NCR2: variants seen among roughly 807,000 people sequenced by gnomAD.
The protein encoded by NCR2 is natural cytotoxicity triggering receptor 2.
NCR2 carries 35 observed loss-of-function variants against 30.7 expected under a neutral mutation model. The observed-to-expected ratio is 1.14, with a 90% CI of 0.87 to 1.51. The LOEUF is 1.51. Ranked by LOEUF, NCR2 falls within the 40% of genes most tolerant of loss-of-function variation. NCR2 has a pLI of 0.00. For missense variants in NCR2, 316 were observed against 328.9 expected, an observed-to-expected ratio of 0.96 and a Z score of 0.30; for synonymous variants, 146 against 134.8, an observed-to-expected ratio of 1.08 and a Z score of -0.58.
At chr6:41,349,455 A>G (rs970932858) in intron 4 of NCR2, among the ~76,000 whole-genome samples, 2 of 152,114 alleles carry the variant, frequency 1.3e-5, no homozygotes, top group African/African-American at 4.8e-5. Flanking sequence ...GTGCTCTTGG[A>G]TGGGGGCTGG....
At chr6:41,349,109 A>AT (rs940179649) in intron 4 of NCR2, among the ~76,000 whole-genome samples, 1 of 146,052 alleles carries the variant, frequency 6.8e-6, no homozygotes, top group Non-Finnish European at 1.5e-5. Context: ...TTATATTTTT[A>AT]TTTTTTATAT....
chr6:41,348,599 G>A (rs752307666), intron 4 of NCR2, among the ~76,000 whole-genome samples: 9 of 152,042 alleles, frequency 5.9e-5, no homozygotes, highest in Admixed American at 3.3e-4. Flanking sequence ...CTCTGTGCTC[G>A]AGTATGTCTT....
At chr6:41,337,832 T>G (rs905241222) in intron 2 of NCR2, among the ~76,000 whole-genome samples, 1 of 152,218 alleles carries the variant, frequency 6.6e-6, no homozygotes, top group African/African-American at 2.4e-5. Context: ...ATCCTAAAAC[T>G]TATAGTTTAA....
intron 4 of NCR2, among the ~76,000 whole-genome samples, chr6:41,349,341 C>T (rs904428813): frequency 6.6e-6 from 1 of 152,072 alleles, no homozygotes; most frequent in Admixed American, 6.5e-5. Context: ...CACAGAGCTC[C>T]TAAGACCTTT....
intron 2 of NCR2, among the ~76,000 whole-genome samples, chr6:41,341,022 C>A (rs1769154521): frequency 6.6e-6 from 1 of 152,108 alleles, no homozygotes; most frequent in African/African-American, 2.4e-5. Flanking sequence ...CTCCTGGACT[C>A]CAGTTAGGTA....
rs539994217 is a variant in NCR2, at chr6:41,342,416, T to C, written c.644+267T>C. ...TCTCTCTCCCTCTCTCTCTCTTTCT[T>C]CCCCCTGCTCCCTTTTCCTCCCTTT... On this transcript the variant is annotated intron_variant, in intron 4 of 4. Coordinates refer to ENST00000373089, the MANE Select transcript of NCR2 (RefSeq NM_004828.4). Among the ~76,000 whole-genome samples the C allele has an allele frequency of 8.5e-4, 128 of 150,886 alleles. 1 individual carries two copies. In the Middle Eastern group the frequency reaches 0.017, roughly 20 times the overall value.
chr6:41,342,438 C>T (rs536745463), intron 4 of NCR2, among the ~76,000 whole-genome samples: 13 of 151,708 alleles, frequency 8.6e-5, no homozygotes, highest in African/African-American at 3.1e-4. Flanking sequence ...CTTTTCCTCC[C>T]TTTCTCTCTC....
intron 2 of NCR2, among the ~76,000 whole-genome samples, chr6:41,339,882 G>C (rs770133507): frequency 6.6e-6 from 1 of 152,138 alleles, no homozygotes; most frequent in Non-Finnish European, 1.5e-5. Context: ...AATTTATTTA[G>C]AATCAGTTCT....
At chr6:41,337,910 C>CA (rs1249798075) in intron 2 of NCR2, among the ~76,000 whole-genome samples, 1 of 151,896 alleles carries the variant, frequency 6.6e-6, no homozygotes, top group East Asian at 1.9e-4. Context: ...CTTCTTCTGA[C>CA]AAAAAAACGA....
chr6:41,350,646 A>C (rs1769404145), intron 4 of NCR2, 32 bp from the exon 5 acceptor site: 1 of 1,596,586 alleles, frequency 6.3e-7, no homozygotes, highest in Non-Finnish European at 8.6e-7. Flanking sequence ...GCAGTCTCTG[A>C]CCACCTTCCT....
chr6:41,346,871 GA>G (rs1270258019), intron 4 of NCR2, among the ~76,000 whole-genome samples: 1 of 151,486 alleles, frequency 6.6e-6, no homozygotes, highest in Non-Finnish European at 1.5e-5. Context: ...GAGAGGAAGA[GA>G]AAAAGAGGAG....
At chr6:41,346,438 G>A (rs1363403036) in intron 4 of NCR2, among the ~76,000 whole-genome samples, 5 of 151,672 alleles carry the variant, frequency 3.3e-5, no homozygotes, top group Non-Finnish European at 7.4e-5. Flanking sequence ...CATTGATCCT[G>A]CCACCCGCCC....
In NCR2 at chr6:41,344,757, C is replaced by T. The variant is rs546730204; in HGVS notation, c.644+2608C>T. Among the ~76,000 whole-genome samples, 4 of 152,358 alleles carry T rather than the reference C, an allele frequency of 2.6e-5. No individual in the cohort carries two copies. The East Asian group carries it at 7.7e-4, about 29-fold the overall frequency. On this transcript the variant is annotated intron_variant, in intron 4 of 4. Transcript: ENST00000373089. ...ATCTTTTATTTTCTCCTTTCATTGA[C>T]CTCTGTCTTTCTTCAGAGCTTTCTG...
At chr6:41,341,720 C>A in intron 2 of NCR2, 74 bp from the exon 3 acceptor site, 1 of 1,522,606 alleles carries the variant, frequency 6.6e-7, no homozygotes, top group South Asian at 1.2e-5. Context: ...CCAACTCCCC[C>A]ATCCAGCTCT....
chr6:41,341,301 G>A (rs1185277521), intron 2 of NCR2, among the ~76,000 whole-genome samples: 1 of 152,122 alleles, frequency 6.6e-6, no homozygotes, highest in Non-Finnish European at 1.5e-5. Flanking sequence ...AGTCAAGAGG[G>A]GCTGTGAAAG....
intron 4 of NCR2, chr6:41,342,902 C>G (rs973066362): frequency 1.3e-6 from 2 of 1,546,534 alleles, no homozygotes; most frequent in African/African-American, 2.7e-5. Flanking sequence ...TCATGTATTT[C>G]TCCCCTCATC....
Position 41,336,083 on chromosome 6 carries a change from C to G in NCR2, c.53-4C>G, listed in dbSNP as rs377428121. 13 of 1,611,064 alleles carry G rather than the reference C, an allele frequency of 8.1e-6. No homozygotes were observed. The highest frequency in any genetic ancestry group is 2.2e-5 in the East Asian group (1 of 44,820). ...GACCTATGCGTTACTTCATCATTCT[C>G]CAGGCTCTCAGGCACAATCCAAGGC... On this transcript the variant is annotated splice_region_variant and splice_polypyrimidine_tract_variant and intron_variant, in intron 1 of 4. Coordinates refer to ENST00000373089, the MANE Select transcript of NCR2 (RefSeq NM_004828.4).
chr6:41,350,254 G>T (rs1769395876), intron 4 of NCR2, among the ~76,000 whole-genome samples: 1 of 152,182 alleles, frequency 6.6e-6, no homozygotes, highest in African/African-American at 2.4e-5. Context: ...CAGACAAAAG[G>T]AGAACACCCA....
At chr6:41,340,949 C>A (rs1272127288) in intron 2 of NCR2, among the ~76,000 whole-genome samples, 2 of 152,114 alleles carry the variant, frequency 1.3e-5, no homozygotes, top group East Asian at 3.9e-4. Context: ...AATGACTCAG[C>A]CTCAGGCACC....
Sources: gnomAD v4.1 joint callset for allele counts (sites outside exome capture counted in the v4.1 genomes callset) on GRCh38, gnomAD v4.1.1 for gene constraint, MANE v1.5 for transcripts, NCBI Gene and HGNC (gene_info 2026-07-23, HGNC 2026-07-21) for gene names.